Variants in TTC6 observed in about 807,000 individuals in gnomAD.
The protein encoded by TTC6 is tetratricopeptide repeat protein 6.
TTC6 carries 172 observed loss-of-function variants against 210.4 expected under a neutral mutation model. The observed-to-expected ratio is 0.82, with a 90% CI of 0.72 to 0.93. TTC6 has a LOEUF of 0.93. TTC6 is among the 40% of genes least tolerant of loss of function. The pLI is 0.00. For missense variants in TTC6, 2,414 were observed against 2,318.1 expected, an observed-to-expected ratio of 1.04 and a Z score of -0.85; for synonymous variants, 804 against 819.6, an observed-to-expected ratio of 0.98 and a Z score of 0.32.
At chr14:37,726,943 A>G (rs1001976374) in intron 7 of TTC6, among the ~76,000 whole-genome samples, 2 of 151,662 alleles carry the variant, frequency 1.3e-5, no homozygotes, top group African/African-American at 4.8e-5. Context: ...GGTGTTTCTG[A>G]TATTTTTTTC....
At chr14:37,783,023 G>T (rs553767502) in intron 14 of TTC6, among the ~76,000 whole-genome samples, 2 of 152,164 alleles carry the variant, frequency 1.3e-5, no homozygotes, top group African/African-American at 4.8e-5. Flanking sequence ...TGCTGGATTC[G>T]GTTTGCCAGT....
intron 7 of TTC6, among the ~76,000 whole-genome samples, chr14:37,735,606 A>C: frequency 6.6e-6 from 1 of 152,224 alleles, no homozygotes. Context: ...TTAATATGCT[A>C]CATAAATTCA....
intron 21 of TTC6, 128 bp from the exon 24 acceptor site, chr14:37,806,233 T>C: frequency 2.1e-6 from 2 of 952,552 alleles, no homozygotes; most frequent in Non-Finnish European, 3.0e-6. Context: ...TTAGGAGAAA[T>C]GTATTTAAAA....
chr14:37,605,365 A>G (rs773182219), intron 1 of TTC6, among the ~76,000 whole-genome samples: 4 of 152,232 alleles, frequency 2.6e-5, no homozygotes, highest in Admixed American at 6.5e-5. Context: ...TGCTTCACTC[A>G]GTAATCAGGA....
intron 3 of TTC6, among the ~76,000 whole-genome samples, chr14:37,694,366 A>G (rs1451913454): frequency 7.9e-5 from 12 of 152,178 alleles, no homozygotes; most frequent in Admixed American, 7.2e-4. Flanking sequence ...GCTCAAAACT[A>G]CAATGAGATA....
intron 1 of TTC6, among the ~76,000 whole-genome samples, chr14:37,676,899 C>G (rs963220318): frequency 1.3e-5 from 2 of 152,036 alleles, no homozygotes; most frequent in Admixed American, 6.6e-5. Context: ...TTTGGGCTTA[C>G]ATTTATTCCA....
At chr14:37,693,008 AC>A (rs2095807224) in intron 3 of TTC6, among the ~76,000 whole-genome samples, 1 of 152,240 alleles carries the variant, frequency 6.6e-6, no homozygotes, top group South Asian at 2.1e-4. Flanking sequence ...GCCCACTCTC[AC>A]CACTGTTATT....
At chr14:37,619,786 T>C (rs1156322978), upstream of TTC6, among the ~76,000 whole-genome samples, 1 of 142,496 alleles carries the variant, frequency 7.0e-6, no homozygotes. Context: ...GTCATTTATG[T>C]TTTCCATTTT....
At chr14:37,697,576 C>A (rs773283318) in intron 4 of TTC6, among the ~76,000 whole-genome samples, 55 of 152,192 alleles carry the variant, frequency 3.6e-4, no homozygotes, top group Non-Finnish European at 5.9e-4. Context: ...TGGAAGACAG[C>A]CTTTTTATGG....
At chr14:37,780,160 A>G (rs967616328) in intron 14 of TTC6, among the ~76,000 whole-genome samples, 2 of 152,220 alleles carry the variant, frequency 1.3e-5, no homozygotes, top group African/African-American at 2.4e-5. Flanking sequence ...AATTAGTAAT[A>G]TTTTTTAGCA....
rs775759175 is a variant in TTC6 at position 37,827,232 on chromosome 14, G to T, written c.5164G>T (p.Val1722Leu). 1.9e-6 allele frequency: 3 copies of T among 1,612,866 alleles called. No homozygotes were observed. In the South Asian group the frequency reaches 3.3e-5, roughly 18 times the overall value. The change falls in exon 29 of 31, where the codon GTG becomes TTG. Residue 1722 changes from valine (V) to leucine (L), a missense_variant. Val to Leu is a conservative substitution (Grantham distance 32). Coordinates refer to ENST00000553443, the Ensembl canonical transcript of TTC6. ...AGCAGAATTCTTAACAAATCGTGGG[G>T]TGATTCATGAGTTTATGGGCCACAA...
chr14:37,658,833 C>T (rs891401866), intron 1 of TTC6, among the ~76,000 whole-genome samples: 15 of 152,094 alleles, frequency 9.9e-5, no homozygotes, highest in Non-Finnish European at 1.5e-4. Flanking sequence ...GATAAACTCA[C>T]GTCATGGGGA....
intron 1 of TTC6, among the ~76,000 whole-genome samples, chr14:37,601,822 C>A (rs910145726): frequency 6.6e-6 from 1 of 152,152 alleles, no homozygotes; most frequent in African/African-American, 2.4e-5. Flanking sequence ...ACGTGTGACC[C>A]AAAATCAAAC....
rs554114717 is a variant in TTC6 at position 37,804,877 on chromosome 14, A to G, written c.4164+63A>G. 3.8e-6 allele frequency: 6 copies of G among 1,580,398 alleles called. No homozygotes were observed. In the African/African-American group the frequency reaches 5.4e-5, roughly 14 times the overall value. On this transcript the variant is annotated intron_variant, in intron 21 of 30. Transcript: ENST00000553443. The stretch of plus-strand genomic sequence containing the variant: ...TTTAGAGACTGGTTGCTTGTATGCA[A>G]TTCTGTTTCTGAAGGCCACCTATAC...
At chr14:37,751,856 C>A (rs780345455) in intron 13 of TTC6, among the ~76,000 whole-genome samples, 3 of 123,030 alleles carry the variant, frequency 2.4e-5, no homozygotes, top group African/African-American at 9.4e-5. Context: ...CAGAGTCTTG[C>A]GCTGTTGCCC....
rs1471133929 is a variant in TTC6 at position 37,654,086 on chromosome 14, A to G, written c.940-26065A>G. ...TCTATAGATGCTTAATATAGTTTGT[A>G]TGTTTGTTCATGCCCAAATCTCATA... is the stretch of plus-strand genomic sequence containing the variant. On this transcript the variant is annotated intron_variant, in intron 1 of 30. Transcript: ENST00000553443. Among the ~76,000 whole-genome samples, 3 of 152,086 alleles carry G rather than the reference A, an allele frequency of 2.0e-5. No homozygotes were observed. The East Asian group carries it at 5.8e-4, about 29-fold the overall frequency.
intron 29 of TTC6, among the ~76,000 whole-genome samples, chr14:37,829,659 G>A (rs2096180172): frequency 6.6e-6 from 1 of 152,012 alleles, no homozygotes; most frequent in African/African-American, 2.4e-5. Context: ...GAATTAAGGT[G>A]AGTTAGATAA....
chr14:37,683,672 T>G (rs2095788668), intron 3 of TTC6, among the ~76,000 whole-genome samples: 1 of 152,152 alleles, frequency 6.6e-6, no homozygotes. Flanking sequence ...ACTTATAAAT[T>G]AAACTTTATC....
intron 14 of TTC6, among the ~76,000 whole-genome samples, chr14:37,781,666 G>A (rs138483595): frequency 0.032 from 4,815 of 152,144 alleles, 223 homozygotes; most frequent in African/African-American, 0.11. Flanking sequence ...TTTTGTTGCC[G>A]TTACTTTTGG....
Sources: gnomAD v4.1 joint callset for allele counts (sites outside exome capture counted in the v4.1 genomes callset) on GRCh38, gnomAD v4.1.1 for gene constraint, MANE v1.5 for transcripts, NCBI Gene and HGNC (gene_info 2026-07-23, HGNC 2026-07-21) for gene names.